The following SSH2 variants were observed in gnomAD, a reference collection of about 807,000 sequenced individuals.
The protein encoded by SSH2 is protein phosphatase Slingshot homolog 2.
In SSH2, 37 loss-of-function variants were observed where a neutral mutation model predicts 135.2. That is an observed-to-expected ratio of 0.27 (90% CI 0.21 to 0.36). SSH2 has a LOEUF of 0.36. Among genes scored for constraint, SSH2 ranks in the 10% least tolerant of loss-of-function variants. SSH2 has a pLI of 1.00. For missense variants in SSH2, 1,408 were observed against 1,765.3 expected, an observed-to-expected ratio of 0.80 and a Z score of 3.63; for synonymous variants, 628 against 646.2, an observed-to-expected ratio of 0.97 and a Z score of 0.43.
rs530865938 is a variant in SSH2, at chr17:29,712,044, C to T, written c.189-8982G>A. On this transcript the variant is annotated intron_variant, in intron 3 of 15. Transcript: ENST00000540801. ...TTATACATTTTAGGGAGACATGAGA[C>T]ATCAATCGATATATGTAAAATGTAC... 1.8e-4 allele frequency among the ~76,000 whole-genome samples: 28 copies of T among 152,304 alleles called. 1 individual carries two copies. The highest frequency in any genetic ancestry group is 6.7e-4 in the African/African-American group (28 of 41,574).
At chr17:29,903,773 T>C (rs1183821209) in intron 1 of SSH2, among the ~76,000 whole-genome samples, 3 of 152,202 alleles carry the variant, frequency 2.0e-5, no homozygotes, top group Admixed American at 2.0e-4. Context: ...GGATACAAGT[T>C]ATTTTTGGCT....
chr17:29,665,679 C>T (rs371057787), intron 11 of SSH2, among the ~76,000 whole-genome samples: 3 of 152,194 alleles, frequency 2.0e-5, no homozygotes, highest in South Asian at 2.1e-4. Context: ...GAGGTTTTGG[C>T]ATTCTCCATT....
chr17:29,633,075 G>A (rs889388763), intron 15 of SSH2, 144 bp from the exon 16 acceptor site: 1 of 711,796 alleles, frequency 1.4e-6, no homozygotes, highest in African/African-American at 1.8e-5. Context: ...ACCACACTCT[G>A]CCCATCTGTT....
intron 3 of SSH2, among the ~76,000 whole-genome samples, chr17:29,760,036 T>A (rs2041240475): frequency 6.6e-6 from 1 of 152,148 alleles, no homozygotes; most frequent in African/African-American, 2.4e-5. Flanking sequence ...TCTATTTTTT[T>A]AGAAGCTCCA....
chr17:29,856,491 T>C (rs554650893), intron 1 of SSH2, among the ~76,000 whole-genome samples: 1 of 152,212 alleles, frequency 6.6e-6, no homozygotes, highest in East Asian at 1.9e-4. Flanking sequence ...GAGAGGACCA[T>C]TTGAGCCCAG....
intron 14 of SSH2, among the ~76,000 whole-genome samples, chr17:29,637,333 G>A (rs143274836): frequency 9.1e-4 from 139 of 152,162 alleles, no homozygotes; most frequent in African/African-American, 3.3e-3. Flanking sequence ...TTCTGACCTC[G>A]AGTGATATGC....
intron 1 of SSH2, among the ~76,000 whole-genome samples, chr17:29,903,909 A>G (rs1355777779): frequency 6.6e-6 from 1 of 152,220 alleles, no homozygotes; most frequent in African/African-American, 2.4e-5. Context: ...TCATTTGCAT[A>G]AATACATTAT....
chr17:29,761,141 C>T (rs984344268), intron 3 of SSH2: 6 of 1,288,608 alleles, frequency 4.7e-6, no homozygotes, highest in Non-Finnish European at 6.1e-6. Flanking sequence ...GGGCGCGCGG[C>T]GGACTCACAG....
chr17:29,721,754 G>A (rs1324859808), intron 3 of SSH2, among the ~76,000 whole-genome samples: 1 of 152,168 alleles, frequency 6.6e-6, no homozygotes, highest in Non-Finnish European at 1.5e-5. Context: ...AAAATGATGA[G>A]GAGGCATGGA....
At chr17:29,817,184 C>A (rs9899912) in intron 2 of SSH2, among the ~76,000 whole-genome samples, 20,746 of 152,110 alleles carry the variant, frequency 0.14, 3,630 homozygotes, top group African/African-American at 0.41. Context: ...AAAGCTGCTC[C>A]GCTACATATT....
chr17:29,878,208 A>G (rs2066070825), intron 1 of SSH2, among the ~76,000 whole-genome samples: 1 of 152,104 alleles, frequency 6.6e-6, no homozygotes, highest in Non-Finnish European at 1.5e-5. Flanking sequence ...AGGGCGGATC[A>G]CCTGAGTTCA....
intron 3 of SSH2, among the ~76,000 whole-genome samples, chr17:29,710,241 A>G (rs2039385729): frequency 6.6e-6 from 1 of 152,240 alleles, no homozygotes; most frequent in African/African-American, 2.4e-5. Context: ...TTACTATGAG[A>G]AATCAAGTGG....
At chr17:29,810,011 G>T (rs2042413811) in intron 2 of SSH2, among the ~76,000 whole-genome samples, 1 of 152,044 alleles carries the variant, frequency 6.6e-6, no homozygotes, top group Non-Finnish European at 1.5e-5. Context: ...TTACTTGTTG[G>T]TCTCCATATT....
intron 1 of SSH2, among the ~76,000 whole-genome samples, chr17:29,879,859 C>A (rs537073068): frequency 1.6e-4 from 25 of 152,174 alleles, no homozygotes; most frequent in African/African-American, 5.3e-4. Context: ...GAAAGCAATG[C>A]CACAAATTTA....
At chr17:29,918,743 C>G (rs1391268287) in intron 1 of SSH2, among the ~76,000 whole-genome samples, 1 of 152,172 alleles carries the variant, frequency 6.6e-6, no homozygotes, top group African/African-American at 2.4e-5. Flanking sequence ...TCAAGACCAG[C>G]TTGGCCAACA....
At chr17:29,798,966 A>T (rs551938710) in intron 2 of SSH2, among the ~76,000 whole-genome samples, 1 of 152,144 alleles carries the variant, frequency 6.6e-6, no homozygotes, top group East Asian at 1.9e-4. Flanking sequence ...CTTGTTTTTT[A>T]AAAAATTACA....
At position 29,699,108 on chromosome 17, in the gene SSH2, G is replaced by A. The variant is rs140389413; in HGVS notation, c.293-3585C>T. On this transcript the variant is annotated intron_variant, in intron 4 of 15. Coordinates refer to ENST00000540801, the MANE Select transcript of SSH2 (RefSeq NM_001282129.2). ...TGTTCTTCACAGAGTCTAACAGAAG[G>A]CAATATATTGATATAGCATTAAGAT... Among the ~76,000 whole-genome samples the A allele has an allele frequency of 9.9e-4, 150 of 152,216 alleles. 2 individuals are homozygous for A. In the Middle Eastern group the frequency reaches 0.01, roughly 10 times the overall value.
chr17:29,648,778 C>T (rs1332852345), intron 13 of SSH2, among the ~76,000 whole-genome samples: 1 of 152,166 alleles, frequency 6.6e-6, no homozygotes, highest in African/African-American at 2.4e-5. Flanking sequence ...AGGTGGATCA[C>T]TTGAGGTTGG....
intron 2 of SSH2, among the ~76,000 whole-genome samples, chr17:29,837,846 C>A (rs1002359289): frequency 1.3e-5 from 2 of 152,234 alleles, no homozygotes; most frequent in Non-Finnish European, 2.9e-5. Context: ...CTCCATGGAG[C>A]TGGGGGGAGC....
Sources: allele counts gnomAD v4.1 joint callset (sites outside exome capture counted in the v4.1 genomes callset), GRCh38; gene constraint gnomAD v4.1.1; transcripts MANE v1.5; gene names NCBI Gene and HGNC (gene_info 2026-07-23, HGNC 2026-07-21).